Variants in BAG3 observed in about 807,000 individuals in gnomAD.
BAG3 encodes the protein BAG cochaperone 3, also known as BAG family molecular chaperone regulator 3.
BAG3 carries 14 observed loss-of-function variants against 40.5 expected under a neutral mutation model. The observed-to-expected ratio is 0.35, with a 90% confidence interval of 0.23 to 0.54. The LOEUF (loss-of-function observed/expected upper bound fraction) is 0.54, where lower values mean the gene tolerates loss of function less well. Among genes scored for constraint, BAG3 ranks in the 20% least tolerant of loss-of-function variants. BAG3 has a pLI of 0.91. For missense variants in BAG3, 788 were observed against 758.6 expected (o/e 1.04, Z -0.46); for synonymous variants, 302 against 307.8 (o/e 0.98, Z 0.20).
chr10:119,654,160 G>T (rs534472635), intron 1 of BAG3, among the ~76,000 whole-genome samples: 1 of 152,326 alleles, frequency 6.6e-6, no homozygotes, highest in Middle Eastern at 3.4e-3. Flanking sequence ...CCTTACTGGA[G>T]ACTAAATGTA....
In BAG3 at chr10:119,677,540, C is replaced by A; in HGVS notation, c.*258C>A. 1.8e-6 allele frequency: 1 copy of A among 554,980 alleles called. No individual in the cohort carries two copies. Among genetic ancestry groups the A allele is most frequent in the Non-Finnish European group, 3.2e-6 (1 of 312,216 alleles). The allele number at this position is 554,980 out of a possible 1,614,324, so 34.4% of individuals were successfully genotyped here. ...GTTGCTTGTTGTTCTGCAGCCCTGT[C>A]TACTTGGGCACCCCCACCACCTGTT... On this transcript the variant is annotated 3_prime_UTR_variant, in exon 4 of 4. Coordinates refer to ENST00000369085, the MANE Select transcript of BAG3 (RefSeq NM_004281.4).
intron 1 of BAG3, among the ~76,000 whole-genome samples, chr10:119,664,444 CTCT>C (rs1391259381): frequency 1.3e-5 from 2 of 152,184 alleles, no homozygotes; most frequent in Non-Finnish European, 2.9e-5. Flanking sequence ...AGCCCCTGGG[CTCT>C]TCTTTCCTAA....
chr10:119,666,434 G>A (rs1159177707), intron 1 of BAG3, among the ~76,000 whole-genome samples: 1 of 152,194 alleles, frequency 6.6e-6, no homozygotes, highest in Non-Finnish European at 1.5e-5. Flanking sequence ...TTGAATATTG[G>A]CTCCAGCAAG....
intron 1 of BAG3, among the ~76,000 whole-genome samples, chr10:119,657,195 C>A (rs531687650): frequency 1.2e-4 from 18 of 152,288 alleles, no homozygotes; most frequent in African/African-American, 4.1e-4. Flanking sequence ...ATCTGAAATT[C>A]ACTGAGTGCC....
intron 1 of BAG3, among the ~76,000 whole-genome samples, chr10:119,655,813 C>T (rs1025094543): frequency 4.6e-5 from 7 of 152,158 alleles, no homozygotes; most frequent in African/African-American, 9.7e-5. Context: ...ACTGCACCTC[C>T]GAGAACATCA....
Position 119,677,288 on chromosome 10 carries a change from G to T in BAG3, c.*6G>T. 1.2e-6 allele frequency: 2 copies of T among 1,613,750 alleles called. No homozygotes were observed. The highest frequency in any genetic ancestry group is 1.3e-5 in the African/African-American group (1 of 75,036). ...GTAACCCAGCAGCACCGTAGCCTCT[G>T]CCCTGTAAAAATCAGACTCGGAACC... On this transcript the variant is annotated 3_prime_UTR_variant, in exon 4 of 4. Coordinates refer to ENST00000369085, the MANE Select transcript of BAG3 (RefSeq NM_004281.4).
chr10:119,662,215 G>GTTTTTTTTTTTTTTTTTTTTT, intron 1 of BAG3, among the ~76,000 whole-genome samples: 1 of 90,400 alleles, frequency 1.1e-5, no homozygotes, highest in Non-Finnish European at 2.2e-5. Flanking sequence ...GCCTGGCTAT[G>GTTTTTTTTTTTTTTTTTTTTT]TTTTTTTTTT....
chr10:119,652,933 T>C (rs1335222104), intron 1 of BAG3, among the ~76,000 whole-genome samples: 1 of 152,224 alleles, frequency 6.6e-6, no homozygotes, highest in Non-Finnish European at 1.5e-5. Context: ...GGATAAAAAG[T>C]TTTTAAAATA....
chr10:119,657,077 C>G lies in BAG3; in HGVS notation c.180+5222C>G, dbSNP rs374426420. On this transcript the variant is annotated intron_variant, in intron 1 of 3. Transcript: ENST00000369085. ...CCCAGGCACAGCTTGAGGTGATAAA[C>G]AGCCCTGAGTCCATCTTTGTATAGT... Among the ~76,000 whole-genome samples, 28 of 152,268 alleles carry G rather than the reference C, an allele frequency of 1.8e-4. No homozygotes were observed. The East Asian group carries it at 5.0e-3, about 27-fold the overall frequency.
At chr10:119,667,705 A>C (rs1010172823) in intron 1 of BAG3, among the ~76,000 whole-genome samples, 2 of 151,892 alleles carry the variant, frequency 1.3e-5, no homozygotes, top group Non-Finnish European at 2.9e-5. Context: ...ACCCCATAGG[A>C]CTCCTCAGCG....
chr10:119,662,898 C>A (rs536843216), intron 1 of BAG3, among the ~76,000 whole-genome samples: 1 of 152,282 alleles, frequency 6.6e-6, no homozygotes, highest in Admixed American at 6.5e-5. Flanking sequence ...ACCTGTAGTC[C>A]CAGCTACTCA....
At chr10:119,660,679 C>T (rs564600797) in intron 1 of BAG3, among the ~76,000 whole-genome samples, 71 of 151,462 alleles carry the variant, frequency 4.7e-4, no homozygotes, top group South Asian at 1.3e-3. Flanking sequence ...GACCTTGTCT[C>T]TAAAATAAAT....
intron 1 of BAG3, among the ~76,000 whole-genome samples, chr10:119,658,304 C>T (rs1033782457): frequency 6.6e-6 from 1 of 152,232 alleles, no homozygotes; most frequent in African/African-American, 2.4e-5. Flanking sequence ...AGTTCAGACC[C>T]CCAGCATCCC....
chr10:119,655,202 G>A (rs998687890), intron 1 of BAG3, among the ~76,000 whole-genome samples: 1 of 152,116 alleles, frequency 6.6e-6, no homozygotes, highest in Non-Finnish European at 1.5e-5. Context: ...CCAGGTACGC[G>A]GGCTTCTGGA....
In BAG3 at chr10:119,672,174, G is replaced by A. The variant is rs1238627967; in HGVS notation, c.508-81G>A. 7.0e-6 allele frequency: 11 copies of A among 1,565,932 alleles called. No homozygotes were observed. Among genetic ancestry groups the A allele is most frequent in the Non-Finnish European group, 9.6e-6 (11 of 1,147,008 alleles). On this transcript the variant is annotated intron_variant, in intron 2 of 3. Coordinates refer to ENST00000369085, the MANE Select transcript of BAG3 (RefSeq NM_004281.4). This position sits in a 1 kb window ranked among gnomAD's most constrained non-coding sequence, Gnocchi z 4.8. ...ACAATATGGATTGCCCTGAGGAGGT[G>A]CACAGCAGAAGGCGTGGTCAGGATG...
Position 119,672,800 on chromosome 10 carries a change from C to A in BAG3, c.909+144C>A. ...CAGGCAAGTGAGATTCGAGAAATTG[C>A]TAGGTATTAACAGAAATGCAGGACA... is the stretch of plus-strand genomic sequence containing the variant. On this transcript the variant is annotated intron_variant, in intron 3 of 3. Coordinates refer to ENST00000369085, the MANE Select transcript of BAG3 (RefSeq NM_004281.4). The surrounding 1 kb of genome is among the most constrained non-coding windows in gnomAD (Gnocchi z 4.8). 2 of 1,237,072 alleles carry A rather than the reference C, an allele frequency of 1.6e-6. No individual in the cohort carries two copies. The highest frequency in any genetic ancestry group is 2.3e-6 in the Non-Finnish European group (2 of 877,496). 76.6% of individuals were successfully genotyped at this position (1,237,072 alleles called of 1,614,324 possible).
At chr10:119,665,043 G>A (rs1036139775) in intron 1 of BAG3, among the ~76,000 whole-genome samples, 15 of 147,428 alleles carry the variant, frequency 1.0e-4, no homozygotes, top group Admixed American at 1.4e-4. Context: ...TCAGCCTCCC[G>A]AGTAGCTGGG....
At chr10:119,675,979 G>A (rs1404203373) in intron 3 of BAG3, among the ~76,000 whole-genome samples, 1 of 105,788 alleles carries the variant, frequency 9.5e-6, no homozygotes, top group African/African-American at 3.6e-5. Flanking sequence ...AGGCTGGAGT[G>A]CAATGACATA....
At position 119,670,150 on chromosome 10, in the gene BAG3, C is replaced by T. The variant is rs749405417; in HGVS notation, c.480C>T (p.Ala160=). 6.2e-7 allele frequency: 1 copy of T among 1,611,166 alleles called. No individual in the cohort carries two copies. The highest frequency in any genetic ancestry group is 8.5e-7 in the Non-Finnish European group (1 of 1,179,178). The change falls in exon 2 of 4, where the codon GCC becomes GCT. Residue 160 remains alanine, a synonymous_variant. Transcript: ENST00000369085. The part of the protein sequence containing the change: ...QCGQVAAAAA[A]QPPASHGPER... ...GACAGGTGGCAGCGGCGGCGGCAGC[C>T]CAGCCCCCAGCCTCCCACGGACCTG...
Sources: gnomAD v4.1 joint callset for allele counts (sites outside exome capture counted in the v4.1 genomes callset) on GRCh38, gnomAD v4.1.1 for gene constraint, Gnocchi (gnomAD v3.1) non-coding constraint, MANE v1.5 for transcripts, NCBI Gene and HGNC (gene_info 2026-07-23, HGNC 2026-07-21) for gene names.